ANGPT2: variants seen among roughly 807,000 people sequenced by gnomAD.
ANGPT2 encodes angiopoietin 2, also known as angiopoietin-2.
In ANGPT2, 28 loss-of-function variants were observed where a neutral mutation model predicts 62.9. The ratio of observed to expected loss-of-function variants is 0.44; its 90% CI spans 0.33 to 0.61. The LOEUF (loss-of-function observed/expected upper bound fraction) is 0.61. Among genes scored for constraint, ANGPT2 ranks in the 20% least tolerant of loss-of-function variants. The pLI, the probability that ANGPT2 is intolerant of heterozygous loss-of-function variation, is 0.03. For missense variants in ANGPT2, 727 were observed against 594.9 expected (o/e 1.22, Z -2.31); for synonymous variants, 284 against 207.8 (o/e 1.37, Z -3.15).
intron 5 of ANGPT2, among the ~76,000 whole-genome samples, chr8:6,518,327 A>G (rs1816688827): frequency 6.6e-6 from 1 of 152,206 alleles, no homozygotes; most frequent in Non-Finnish European, 1.5e-5. Context: ...AGATAGCAAA[A>G]GAGATTGAAA....
In ANGPT2 at chr8:6,562,867, C is replaced by G. The variant is rs1360452984; in HGVS notation, c.68G>C (p.Arg23Pro). 6 of 1,612,198 alleles carry G rather than the reference C, an allele frequency of 3.7e-6. No homozygotes were observed. The highest frequency in any genetic ancestry group is 3.3e-5 in the Admixed American group (2 of 59,962). Residue 23 changes from arginine to proline, a missense_variant, in exon 1 of 9, where the codon CGG becomes CCG. Arg to Pro is a moderately radical substitution (Grantham distance 103). Coordinates refer to ENST00000629816, the MANE Select transcript of ANGPT2 (RefSeq NM_001118887.2). ...CTTTCCTATGCTGTCCATGCTCTTC[C>G]GAAAGTTGTTATAGGCTGCGGCCAA... is the stretch of plus-strand genomic sequence containing the variant. ...LVLAAAYNNF[R>P]KSMDSIGKKQ...
intron 1 of ANGPT2, among the ~76,000 whole-genome samples, chr8:6,555,241 T>C (rs1824385396): frequency 6.6e-6 from 1 of 152,148 alleles, no homozygotes; most frequent in Non-Finnish European, 1.5e-5. Context: ...ACAATAACAA[T>C]CAAACCGTTT....
chr8:6,538,099 CACAT>C (rs1426759191), intron 1 of ANGPT2, among the ~76,000 whole-genome samples: 2 of 152,166 alleles, frequency 1.3e-5, no homozygotes, highest in African/African-American at 4.8e-5. Flanking sequence ...CTCTCACACA[CACAT>C]ACACGTTTTT....
intron 8 of ANGPT2, among the ~76,000 whole-genome samples, chr8:6,506,359 C>G (rs1813727439): frequency 6.6e-6 from 1 of 152,148 alleles, no homozygotes; most frequent in Admixed American, 6.5e-5. Context: ...TCCACTTTCT[C>G]TCTTGGGCTG....
intron 7 of ANGPT2, among the ~76,000 whole-genome samples, chr8:6,512,066 A>G (rs1235891023): frequency 6.6e-6 from 1 of 151,778 alleles, no homozygotes; most frequent in Non-Finnish European, 1.5e-5. Context: ...CCAAACACCT[A>G]TCTTCTCATT....
chr8:6,550,567 T>C (rs1384096768), intron 1 of ANGPT2, among the ~76,000 whole-genome samples: 1 of 152,002 alleles, frequency 6.6e-6, no homozygotes, highest in Non-Finnish European at 1.5e-5. Context: ...GGGTGAGGGG[T>C]GTGCTTCTGG....
At chr8:6,560,961 A>T (rs541956941) in intron 1 of ANGPT2, among the ~76,000 whole-genome samples, 2 of 152,346 alleles carry the variant, frequency 1.3e-5, no homozygotes, top group South Asian at 4.1e-4. Flanking sequence ...GCAGATTAGA[A>T]TATTTACTGC....
intron 1 of ANGPT2, among the ~76,000 whole-genome samples, chr8:6,547,080 C>T (rs530542962): frequency 2.2e-4 from 33 of 152,014 alleles, no homozygotes; most frequent in Admixed American, 6.5e-4. Flanking sequence ...CGGGCTAATG[C>T]GTTTTTGGAA....
intron 1 of ANGPT2, 98 bp downstream of exon 1, chr8:6,562,549 C>CTTTTTTTTTTTTTTTTTTTTTTTTTTTT (rs1264718918): frequency 1.1e-5 from 1 of 87,380 alleles, no homozygotes; most frequent in African/African-American, 1.1e-4. Context: ...CTTCATCCTC[C>CTTTTTTTTTTTTTTTTTTTTTTTTTTTT]TTCTTTTTTT....
intron 1 of ANGPT2, among the ~76,000 whole-genome samples, chr8:6,542,306 G>C (rs1208596708): frequency 6.6e-6 from 1 of 152,060 alleles, no homozygotes; most frequent in Non-Finnish European, 1.5e-5. Flanking sequence ...GTGTGTGTGT[G>C]TGTGTATCTG....
chr8:6,505,197 T>TGTATATATAGAATATATATATATTCTTAG (rs1813068347), intron 8 of ANGPT2, among the ~76,000 whole-genome samples: 1 of 130,624 alleles, frequency 7.7e-6, no homozygotes, highest in Non-Finnish European at 1.6e-5. Flanking sequence ...TATATTCTTA[T>TGTATATATAGAATATATATATATTCTTAG]GTATATATAG....
At chr8:6,523,238 C>G (rs1332573254) in intron 3 of ANGPT2, among the ~76,000 whole-genome samples, 3 of 152,100 alleles carry the variant, frequency 2.0e-5, no homozygotes, top group Admixed American at 2.0e-4. Flanking sequence ...ACCTCGTGAT[C>G]CGCCCGCCCC....
At chr8:6,547,841 A>G (rs1217030455) in intron 1 of ANGPT2, among the ~76,000 whole-genome samples, 2 of 150,410 alleles carry the variant, frequency 1.3e-5, no homozygotes, top group Non-Finnish European at 3.0e-5. Context: ...AGGTTTTCCT[A>G]TTGTTAGGTT....
chr8:6,504,843 G>A (rs1020165766), intron 8 of ANGPT2, among the ~76,000 whole-genome samples: 1 of 152,072 alleles, frequency 6.6e-6, no homozygotes, highest in Admixed American at 6.5e-5. Context: ...TACACATAGG[G>A]TTTGATACTG....
chr8:6,532,574 T>TAAA (rs10662997), intron 1 of ANGPT2, 87 bp from the exon 2 acceptor site: 91,548 of 575,994 alleles, frequency 0.16, 5,600 homozygotes, highest in Admixed American at 0.25. Context: ...TCCCTATCTT[T>TAAA]AAAAAAAAAA....
Position 6,521,341 on chromosome 8 carries a change from C to G in ANGPT2, c.636G>C (p.Glu212Asp). ...HIIQLQSIKE[E>D]KDQLQVLVSK... ...ATACTAACACCTGTAGCTGATCTTT[C>G]TCTTCTTTTATTGACTGTAGTTGGA... Residue 212 changes from glutamate to aspartate, a missense_variant, in exon 4 of 9, where the codon GAG becomes GAC. Coordinates refer to ENST00000629816, the MANE Select transcript of ANGPT2 (RefSeq NM_001118887.2). 5 of 1,613,714 alleles carry G rather than the reference C, an allele frequency of 3.1e-6. No homozygotes were observed. The South Asian group carries it at 5.5e-5, about 18-fold the overall frequency.
At chr8:6,510,160 T>TC (rs1458622456) in intron 7 of ANGPT2, among the ~76,000 whole-genome samples, 2 of 147,882 alleles carry the variant, frequency 1.4e-5, no homozygotes, top group African/African-American at 4.9e-5. Context: ...TGTTTTTTCT[T>TC]TTTTTTTTTT....
intron 7 of ANGPT2, 86 bp downstream of exon 7, chr8:6,513,592 C>G (rs1815636479): frequency 8.7e-7 from 1 of 1,155,882 alleles, no homozygotes; most frequent in Non-Finnish European, 1.2e-6. Context: ...CTCGGCCTCC[C>G]AAAGTGCTGG....
chr8:6,512,254 G>C (rs1267049440), intron 7 of ANGPT2, among the ~76,000 whole-genome samples: 1 of 152,114 alleles, frequency 6.6e-6, no homozygotes, highest in Non-Finnish European at 1.5e-5. Flanking sequence ...TTTTCAGTTG[G>C]TTGTTCAGGC....
Sources: allele counts gnomAD v4.1 joint callset (sites outside exome capture counted in the v4.1 genomes callset), GRCh38; gene constraint gnomAD v4.1.1; transcripts MANE v1.5; gene names NCBI Gene and HGNC (gene_info 2026-07-23, HGNC 2026-07-21).